The following COL23A1 variants were observed in gnomAD, a reference collection of about 807,000 sequenced individuals.
COL23A1 encodes the protein collagen alpha-1(XXIII) chain.
Under a neutral mutation model 99.3 loss-of-function variants are expected in COL23A1, and 97 were observed. That is an observed-to-expected ratio of 0.98 (90% confidence interval 0.83 to 1.16). COL23A1 has a LOEUF of 1.16. COL23A1 is among the 50% of genes most tolerant of loss of function. COL23A1 has a pLI of 0.00. For missense variants in COL23A1, 762 were observed against 757.4 expected (o/e 1.01, Z -0.07); for synonymous variants, 320 against 308.2 (o/e 1.04, Z -0.40).
intron 2 of COL23A1, among the ~76,000 whole-genome samples, chr5:178,448,409 C>A (rs992319849): frequency 1.3e-5 from 2 of 149,418 alleles, no homozygotes; most frequent in Admixed American, 1.3e-4. Context: ...TAGTGCTAGT[C>A]GCAGTCCGTT....
intron 5 of COL23A1, among the ~76,000 whole-genome samples, chr5:178,272,494 G>A (rs1756347286): frequency 6.6e-6 from 1 of 152,208 alleles, no homozygotes; most frequent in African/African-American, 2.4e-5. Context: ...TGATGGCCTG[G>A]TGACAGCTGG....
At chr5:178,394,909 C>T (rs1457567269) in intron 2 of COL23A1, among the ~76,000 whole-genome samples, 2 of 148,812 alleles carry the variant, frequency 1.3e-5, no homozygotes, top group Non-Finnish European at 3.0e-5. Flanking sequence ...CTCCGAGAGT[C>T]TCTCCCCGGC....
intron 2 of COL23A1, among the ~76,000 whole-genome samples, chr5:178,467,056 A>T (rs1176467042): frequency 6.6e-6 from 1 of 152,264 alleles, no homozygotes; most frequent in Non-Finnish European, 1.5e-5. Flanking sequence ...GGCAGCACAT[A>T]CAACTGCTGT....
chr5:178,241,971 A>G, intron 27 of COL23A1, 71 bp downstream of exon 27: 1 of 1,190,038 alleles, frequency 8.4e-7, no homozygotes, highest in Non-Finnish European at 1.2e-6. Flanking sequence ...TTCCGAGGAC[A>G]GGGAAGATGT....
chr5:178,533,088 G>A (rs962462012), intron 2 of COL23A1, among the ~76,000 whole-genome samples: 6 of 152,186 alleles, frequency 3.9e-5, no homozygotes, highest in Admixed American at 3.3e-4. Flanking sequence ...GGAAATGCCT[G>A]CCCTACAGGG....
intron 2 of COL23A1, among the ~76,000 whole-genome samples, chr5:178,321,477 T>C (rs974611993): frequency 8.3e-5 from 12 of 145,278 alleles, no homozygotes; most frequent in Admixed American, 8.2e-4. Flanking sequence ...GAGGTCACCT[T>C]CCCTTTTTTT....
At position 178,255,864 on chromosome 5, in the gene COL23A1, C is replaced by T; in HGVS notation, c.882+489G>A. ...CCTCTGGGAGCATGAGGAGACAGAG[C>T]CGAGGCCAGGATCCCGGACGTCACC... On this transcript the variant is annotated intron_variant, in intron 15 of 28. Coordinates refer to ENST00000390654, the MANE Select transcript of COL23A1 (RefSeq NM_173465.4). This position sits in a 1 kb window ranked among gnomAD's most constrained non-coding sequence, Gnocchi z 4.2. 1 of 405,440 alleles carries T rather than the reference C, an allele frequency of 2.5e-6. No individual in the cohort carries two copies. Among genetic ancestry groups the T allele is most frequent in the Non-Finnish European group, 5.1e-6 (1 of 197,616 alleles). 25.1% of individuals were successfully genotyped at this position (405,440 alleles called of 1,614,324 possible). A position where few individuals can be genotyped will look rare whatever the true frequency, so the allele number is the denominator to read the frequency against.
chr5:178,249,055 A>C (rs1481541241), intron 19 of COL23A1, 62 bp downstream of exon 19: 3 of 1,548,922 alleles, frequency 1.9e-6, no homozygotes, highest in Non-Finnish European at 2.7e-6. Flanking sequence ...CACGGGGGGC[A>C]CACAGTCACC....
intron 1 of COL23A1, among the ~76,000 whole-genome samples, chr5:178,586,492 C>G (rs1285001296): frequency 6.6e-6 from 1 of 152,016 alleles, no homozygotes; most frequent in African/African-American, 2.4e-5. Context: ...ATTTTCAAAG[C>G]CGATGTGGAA....
intron 2 of COL23A1, among the ~76,000 whole-genome samples, chr5:178,323,474 C>A (rs1759461010): frequency 6.6e-6 from 1 of 152,124 alleles, no homozygotes; most frequent in Non-Finnish European, 1.5e-5. Context: ...CACAAGCAGT[C>A]CCTTTCATTT....
intron 2 of COL23A1, among the ~76,000 whole-genome samples, chr5:178,332,685 AAC>A (rs1304171257): frequency 6.6e-6 from 1 of 152,248 alleles, no homozygotes; most frequent in Admixed American, 6.5e-5. Flanking sequence ...GTTTGATTTT[AAC>A]AGAGATGTGG....
chr5:178,479,077 C>T lies in COL23A1; in HGVS notation c.361+81605G>A, dbSNP rs559635615. ...AGCCATCTCAGTGGCCCAGGACCTTCATCAGGACACAAGGATCACCCTCAT... is the reference window on the plus strand; with the variant it reads ...AGCCATCTCAGTGGCCCAGGACCTTTATCAGGACACAAGGATCACCCTCAT... On this transcript the variant is annotated intron_variant, in intron 2 of 28. Coordinates refer to ENST00000390654, the MANE Select transcript of COL23A1 (RefSeq NM_173465.4). Among the ~76,000 whole-genome samples the T allele has an allele frequency of 6.6e-5, 10 of 151,346 alleles. No homozygotes were observed. The South Asian group carries it at 2.1e-3, about 32-fold the overall frequency.
rs1765241528 is a variant in COL23A1 at position 178,255,250 on chromosome 5, C to T, written c.883-224G>A. On this transcript the variant is annotated intron_variant, in intron 15 of 28. Transcript: ENST00000390654. This position sits in a 1 kb window ranked among gnomAD's most constrained non-coding sequence, Gnocchi z 4.2. ...CTGGTCTGAGGGGCGGCTGTAATTG[C>T]CCTCACGTGGGCATTCAGGCCTGAC... 6.6e-6 allele frequency among the ~76,000 whole-genome samples: 1 copy of T among 152,108 alleles called. No individual in the cohort carries two copies. Among genetic ancestry groups the T allele is most frequent in the Admixed American group, 6.5e-5 (1 of 15,278 alleles).
rs143398726 is a variant in COL23A1 at position 178,467,522 on chromosome 5, T to C, written c.361+93160A>G. On this transcript the variant is annotated intron_variant, in intron 2 of 28. Transcript: ENST00000390654. The stretch of plus-strand genomic sequence containing the variant: ...TGTGCTCTAATAGCTATGTGTGTTG[T>C]CTTGTTTAGGGGGCGGTAGTCGGAG... Among the ~76,000 whole-genome samples, 870 of 152,236 alleles carry C rather than the reference T, an allele frequency of 5.7e-3. 8 individuals carry two copies. The highest frequency in any genetic ancestry group is 8.8e-3 in the Non-Finnish European group (597 of 68,016).
At chr5:178,241,068 CA>C (rs1173765541) in intron 27 of COL23A1, among the ~76,000 whole-genome samples, 1 of 152,128 alleles carries the variant, frequency 6.6e-6, no homozygotes, top group Non-Finnish European at 1.5e-5. Context: ...CCCAGCTCTA[CA>C]AAAATTAAAA....
intron 18 of COL23A1, 83 bp downstream of exon 18, chr5:178,249,978 T>TGCACAC: frequency 6.9e-7 from 1 of 1,451,806 alleles, no homozygotes; most frequent in Non-Finnish European, 9.5e-7. Context: ...TGTGCACACA[T>TGCACAC]GCACACGCAC....
intron 3 of COL23A1, among the ~76,000 whole-genome samples, chr5:178,293,449 C>T (rs921500328): frequency 2.6e-5 from 4 of 152,086 alleles, no homozygotes; most frequent in Non-Finnish European, 4.4e-5. Context: ...GAAGCGAGGC[C>T]GTCAGCCTCA....
chr5:178,326,413 T>TCA (rs1759662043), intron 2 of COL23A1, among the ~76,000 whole-genome samples: 1 of 89,604 alleles, frequency 1.1e-5, no homozygotes, highest in South Asian at 4.4e-4. Flanking sequence ...GAGAGAACAT[T>TCA]TAAAAAAAAA....
chr5:178,276,584 C>G (rs541986614), intron 5 of COL23A1, among the ~76,000 whole-genome samples: 1 of 150,846 alleles, frequency 6.6e-6, no homozygotes, highest in Non-Finnish European at 1.5e-5. Flanking sequence ...TCATTAGAGC[C>G]GGCTGGTGGA....
Sources: allele counts gnomAD v4.1 joint callset (sites outside exome capture counted in the v4.1 genomes callset), GRCh38; gene constraint gnomAD v4.1.1; non-coding constraint Gnocchi (gnomAD v3.1); transcripts MANE v1.5; gene names NCBI Gene and HGNC (gene_info 2026-07-23, HGNC 2026-07-21).